HS3ST4: variants seen among roughly 807,000 people sequenced by gnomAD.
HS3ST4 encodes the protein heparan sulfate-glucosamine 3-sulfotransferase 4.
In HS3ST4, 17 loss-of-function variants were observed where a neutral mutation model predicts 29.2. The observed-to-expected ratio is 0.58, with a 90% confidence interval of 0.40 to 0.87. HS3ST4 has a LOEUF of 0.87. Ranked by LOEUF, HS3ST4 falls within the 40% of genes least tolerant of loss-of-function variation. The pLI is 0.00. For missense variants in HS3ST4, 627 were observed against 634.5 expected (o/e 0.99, Z 0.13); for synonymous variants, 314 against 285.7 (o/e 1.10, Z -1.00).
At chr16:26,020,735 C>G (rs141318940) in intron 1 of HS3ST4, among the ~76,000 whole-genome samples, 11 of 152,316 alleles carry the variant, frequency 7.2e-5, no homozygotes, top group African/African-American at 2.6e-4. Context: ...AATCTCAAGC[C>G]TCATCCCAGA....
At chr16:25,902,582 AC>A (rs922409758) in intron 1 of HS3ST4, among the ~76,000 whole-genome samples, 8 of 152,108 alleles carry the variant, frequency 5.3e-5, no homozygotes, top group African/African-American at 1.7e-4. Context: ...CCTCCTCATA[AC>A]CCTGGAAAGA....
At chr16:25,826,330 G>A (rs1329804466) in intron 1 of HS3ST4, 5 of 152,176 alleles carry the variant, frequency 3.3e-5, no homozygotes, top group Non-Finnish European at 5.9e-5. Context: ...CATATTTGGA[G>A]TGTCTCCAAC....
At chr16:25,992,777 T>G (rs901103878) in intron 1 of HS3ST4, among the ~76,000 whole-genome samples, 1 of 152,210 alleles carries the variant, frequency 6.6e-6, no homozygotes, top group African/African-American at 2.4e-5. Context: ...AGGCTTCAAG[T>G]TTGTGTCTCA....
intron 1 of HS3ST4, among the ~76,000 whole-genome samples, chr16:25,938,000 G>A (rs1381971332): frequency 6.6e-6 from 1 of 152,078 alleles, no homozygotes; most frequent in East Asian, 1.9e-4. Flanking sequence ...CATCTAACTG[G>A]GCTTTCTGGG....
At chr16:26,103,300 G>T (rs944509475) in intron 1 of HS3ST4, among the ~76,000 whole-genome samples, 1 of 152,130 alleles carries the variant, frequency 6.6e-6, no homozygotes, top group Admixed American at 6.5e-5. Context: ...TTGCAAGGGA[G>T]CACATCACTA....
rs116910755 is a variant in HS3ST4, at chr16:26,066,467, A to C, written c.735-69145A>C. 4.0e-4 allele frequency among the ~76,000 whole-genome samples: 61 copies of C among 152,312 alleles called. 1 individual carries two copies. The East Asian group carries it at 0.011, about 27-fold the overall frequency. On this transcript the variant is annotated intron_variant, in intron 1 of 1. Coordinates refer to ENST00000331351, the MANE Select transcript of HS3ST4 (RefSeq NM_006040.3). ...GAGGAAATGAAATATTCTACATAAG[A>C]AATGAACAAAGGCGAAAAGTTTTAA...
chr16:25,988,999 C>T (rs1395641692), intron 1 of HS3ST4, among the ~76,000 whole-genome samples: 1 of 152,148 alleles, frequency 6.6e-6, no homozygotes, highest in Non-Finnish European at 1.5e-5. Context: ...GCAAATCAGG[C>T]AGCTCCCAGA....
At chr16:26,052,658 A>G (rs1872643955) in intron 1 of HS3ST4, among the ~76,000 whole-genome samples, 1 of 152,240 alleles carries the variant, frequency 6.6e-6, no homozygotes, top group African/African-American at 2.4e-5. Flanking sequence ...GGCGTGAGCT[A>G]CCACACCTGA....
intron 1 of HS3ST4, among the ~76,000 whole-genome samples, chr16:25,752,540 G>A (rs1966729165): frequency 6.6e-6 from 1 of 152,202 alleles, no homozygotes; most frequent in Non-Finnish European, 1.5e-5. Flanking sequence ...GGGCATTGCT[G>A]CATTGCTGGC....
At chr16:26,104,747 C>G (rs1207190246) in intron 1 of HS3ST4, among the ~76,000 whole-genome samples, 1 of 152,216 alleles carries the variant, frequency 6.6e-6, no homozygotes, top group African/African-American at 2.4e-5. Flanking sequence ...GGAAATTATT[C>G]ATGTCTCAAC....
chr16:25,731,080 T>C (rs1347139659), intron 1 of HS3ST4, among the ~76,000 whole-genome samples: 1 of 152,084 alleles, frequency 6.6e-6, no homozygotes, highest in Non-Finnish European at 1.5e-5. Context: ...TGTGAGAACA[T>C]GTGCCCAGTG....
At chr16:25,834,635 A>G (rs1967338966) in intron 1 of HS3ST4, among the ~76,000 whole-genome samples, 1 of 152,164 alleles carries the variant, frequency 6.6e-6, no homozygotes, top group Non-Finnish European at 1.5e-5. Context: ...TTGTGTAGGG[A>G]TGAATATTTA....
intron 1 of HS3ST4, among the ~76,000 whole-genome samples, chr16:25,832,369 A>G (rs1351758132): frequency 1.3e-5 from 2 of 152,212 alleles, no homozygotes; most frequent in Non-Finnish European, 2.9e-5. Flanking sequence ...CGGAGAGGCT[A>G]GGGCCCCACT....
intron 1 of HS3ST4, among the ~76,000 whole-genome samples, chr16:25,984,427 A>T (rs1029920407): frequency 6.6e-6 from 1 of 152,170 alleles, no homozygotes; most frequent in African/African-American, 2.4e-5. Context: ...CAGGAGGTGG[A>T]GCTCAGGGGA....
intron 1 of HS3ST4, among the ~76,000 whole-genome samples, chr16:25,800,665 T>G (rs1320274129): frequency 1.3e-5 from 2 of 152,120 alleles, no homozygotes; most frequent in East Asian, 3.9e-4. Flanking sequence ...ATGATGCTGT[T>G]GTCTAAATGG....
chr16:25,978,326 A>C (rs1040877635), intron 1 of HS3ST4, among the ~76,000 whole-genome samples: 1 of 152,264 alleles, frequency 6.6e-6, no homozygotes, highest in African/African-American at 2.4e-5. Flanking sequence ...CTTTCTGTAA[A>C]GGATCCAAGA....
At chr16:25,991,304 A>G (rs1033143014) in intron 1 of HS3ST4, among the ~76,000 whole-genome samples, 6 of 152,236 alleles carry the variant, frequency 3.9e-5, no homozygotes, top group African/African-American at 1.2e-4. Flanking sequence ...AGGAAATATT[A>G]GGAGCATTAA....
intron 1 of HS3ST4, among the ~76,000 whole-genome samples, chr16:26,119,682 T>C (rs1230992775): frequency 1.3e-5 from 2 of 152,220 alleles, no homozygotes; most frequent in Non-Finnish European, 2.9e-5. Context: ...CCCTCCTTTC[T>C]TTCTCCTTCT....
At chr16:26,086,070 G>A (rs1233854937) in intron 1 of HS3ST4, among the ~76,000 whole-genome samples, 1 of 151,942 alleles carries the variant, frequency 6.6e-6, no homozygotes, top group Non-Finnish European at 1.5e-5. Context: ...AGCATTGAAT[G>A]CAATTTATCT....
Sources: gnomAD v4.1 joint callset for allele counts (sites outside exome capture counted in the v4.1 genomes callset) on GRCh38, gnomAD v4.1.1 for gene constraint, MANE v1.5 for transcripts, NCBI Gene and HGNC (gene_info 2026-07-23, HGNC 2026-07-21) for gene names.